The following CRTC3 variants were observed in gnomAD, a reference collection of about 807,000 sequenced individuals.
CRTC3 encodes CREB-regulated transcription coactivator 3.
CRTC3 carries 26 observed loss-of-function variants against 74.5 expected under a neutral mutation model. The ratio of observed to expected loss-of-function variants is 0.35; its 90% CI spans 0.26 to 0.48. CRTC3 has a LOEUF of 0.48. Among genes scored for constraint, CRTC3 ranks in the 20% least tolerant of loss-of-function variants. The probability of loss-of-function intolerance (pLI) is 0.99; values close to 1 mark genes in which losing one functional copy is unlikely to be tolerated. For missense variants in CRTC3, 760 were observed against 787.3 expected, an observed-to-expected ratio of 0.97 and a Z score of 0.41; for synonymous variants, 377 against 325.8, an observed-to-expected ratio of 1.16 and a Z score of -1.69.
At chr15:90,568,730 C>A (rs1234944822) in intron 2 of CRTC3, among the ~76,000 whole-genome samples, 4 of 152,160 alleles carry the variant, frequency 2.6e-5, no homozygotes, top group African/African-American at 9.7e-5. Flanking sequence ...GAAGTTGATA[C>A]AGCCAACTTC....
At chr15:90,564,828 G>A (rs931738043) in intron 2 of CRTC3, among the ~76,000 whole-genome samples, 4 of 152,176 alleles carry the variant, frequency 2.6e-5, no homozygotes, top group Non-Finnish European at 5.9e-5. Context: ...GATAGAGTAT[G>A]GACTCAAGAG....
intron 13 of CRTC3, among the ~76,000 whole-genome samples, chr15:90,640,394 C>T (rs1281640917): frequency 6.6e-6 from 1 of 152,038 alleles, no homozygotes; most frequent in Admixed American, 6.6e-5. Context: ...TTTCTAGAAA[C>T]CAGGGAAGAG....
chr15:90,545,576 GTT>G (rs540477533), intron 2 of CRTC3, among the ~76,000 whole-genome samples: 2 of 132,208 alleles, frequency 1.5e-5, no homozygotes, highest in Non-Finnish European at 1.7e-5. Context: ...ATTTTTGTTT[GTT>G]TTTTTTTTTT....
intron 9 of CRTC3, among the ~76,000 whole-genome samples, chr15:90,622,214 G>A (rs1353476784): frequency 6.6e-6 from 1 of 152,108 alleles, no homozygotes; most frequent in Non-Finnish European, 1.5e-5. Flanking sequence ...TGAACCGGGG[G>A]GCGCATTACT....
chr15:90,571,542 A>T lies in CRTC3; in HGVS notation c.232-22094A>T, dbSNP rs962955686. ...AGATCACAAAGGACTTTGCTTTCTT[A>T]TTAAGGAATTTGGATTTTGTCCTAA... On this transcript the variant is annotated intron_variant, in intron 2 of 14. Transcript: ENST00000268184. 2.0e-5 allele frequency among the ~76,000 whole-genome samples: 3 copies of T among 152,278 alleles called. 1 individual carries two copies.
chr15:90,589,803 A>G (rs1967757137), intron 2 of CRTC3, among the ~76,000 whole-genome samples: 2 of 152,148 alleles, frequency 1.3e-5, no homozygotes, highest in South Asian at 2.1e-4. Context: ...TGTGGCCAAC[A>G]TGGTGAAACC....
chr15:90,622,599 G>C (rs948747158), intron 9 of CRTC3, among the ~76,000 whole-genome samples: 6 of 152,048 alleles, frequency 3.9e-5, no homozygotes, highest in Non-Finnish European at 7.4e-5. Context: ...GCCTGTAATC[G>C]CAGCACTTTG....
intron 1 of CRTC3, 96 bp from the exon 2 acceptor site, chr15:90,539,943 C>T (rs1412164324): frequency 9.5e-6 from 8 of 840,558 alleles, no homozygotes; most frequent in Non-Finnish European, 1.6e-5. Flanking sequence ...ACAAGACTTT[C>T]ATTCTTGAAC....
chr15:90,543,300 CAA>C (rs10678466), intron 2 of CRTC3, among the ~76,000 whole-genome samples: 2 of 108,212 alleles, frequency 1.8e-5, no homozygotes, highest in Admixed American at 1.1e-4. Context: ...AACCCTGTCT[CAA>C]AAAAAAAAAA....
Position 90,629,339 on chromosome 15 carries a change from C to T in CRTC3, c.1073C>T (p.Ser358Phe). Residue 358 changes from serine to phenylalanine, a missense_variant, in exon 11 of 15, where the codon TCT becomes TTT. Physicochemically the swap from Ser to Phe is radical, Grantham distance 155. Transcript: ENST00000268184. The stretch of plus-strand genomic sequence containing the variant: ...CCACAGACATCTGTTCCCAACGCAT[C>T]TGCTCTTCACCCTTCGCTCCGTCTG... ...NHPQTSVPNASALHPSLRLFS... is the reference protein window; with the variant it reads ...NHPQTSVPNAFALHPSLRLFS... 1 of 1,614,158 alleles carries T rather than the reference C, an allele frequency of 6.2e-7. No homozygotes were observed. The highest frequency in any genetic ancestry group is 1.3e-5 in the African/African-American group (1 of 75,028).
rs756034728 is a variant in CRTC3, at chr15:90,638,639, C to A, written c.1460C>A (p.Pro487Gln). The change falls in exon 12 of 15, where the codon CCG becomes CAG. Residue 487 changes from proline to glutamine, a missense_variant. Transcript: ENST00000268184. ...SLPQSDFQLL[P>Q]AQGSSLTNFF... ...CCACAGTCAGACTTTCAGCTTCTCC[C>A]GGCCCAGGTGAGTTCTGGCAGGAGC... is the stretch of plus-strand genomic sequence containing the variant. The A allele has an allele frequency of 6.2e-7, 1 of 1,613,710 alleles. No individual in the cohort carries two copies. Among genetic ancestry groups the A allele is most frequent in the Non-Finnish European group, 8.5e-7 (1 of 1,179,946 alleles).
chr15:90,581,895 A>G (rs1025024215), intron 2 of CRTC3, among the ~76,000 whole-genome samples: 2 of 152,144 alleles, frequency 1.3e-5, no homozygotes, highest in Non-Finnish European at 2.9e-5. Flanking sequence ...TCTTTTACAT[A>G]TATTTCCTAC....
Position 90,608,710 on chromosome 15 carries a change from A to G in CRTC3, c.577+1232A>G, listed in dbSNP as rs528675924. ...TCTTGTTCTCTCCAGCCCCTAGCAC[A>G]GTGCCCGGCACAGAGGAGCCCGTAC... On this transcript the variant is annotated intron_variant, in intron 6 of 14. Transcript: ENST00000268184. 1.1e-4 allele frequency among the ~76,000 whole-genome samples: 17 copies of G among 152,312 alleles called. 1 individual carries two copies. The East Asian group carries it at 3.3e-3, about 29-fold the overall frequency.
At chr15:90,639,535 C>T (rs1227368063) in intron 13 of CRTC3, among the ~76,000 whole-genome samples, 6 of 150,214 alleles carry the variant, frequency 4.0e-5, no homozygotes, top group African/African-American at 7.3e-5. Context: ...CTGCAACCTC[C>T]ACCTCCTGGG....
chr15:90,558,932 A>G lies in CRTC3; in HGVS notation c.231+18795A>G, dbSNP rs369924825. The stretch of plus-strand genomic sequence containing the variant: ...ACGCCCGGCTAATTTTTGTATTTTT[A>G]GTAGAGACAGGATTTCACCATGTTG... On this transcript the variant is annotated intron_variant, in intron 2 of 14. Coordinates refer to ENST00000268184, the MANE Select transcript of CRTC3 (RefSeq NM_022769.5). 4.6e-5 allele frequency among the ~76,000 whole-genome samples: 7 copies of G among 151,814 alleles called. 1 individual carries two copies. The East Asian group carries it at 9.7e-4, about 21-fold the overall frequency.
intron 2 of CRTC3, among the ~76,000 whole-genome samples, chr15:90,580,589 C>T (rs1180145587): frequency 6.6e-6 from 1 of 151,884 alleles, no homozygotes; most frequent in Non-Finnish European, 1.5e-5. Context: ...ATGACCACAC[C>T]CAGCTAATTT....
chr15:90,576,521 T>G (rs571749057), intron 2 of CRTC3, among the ~76,000 whole-genome samples: 20 of 152,070 alleles, frequency 1.3e-4, no homozygotes, highest in African/African-American at 3.9e-4. Context: ...CTGTTGAATG[T>G]ATAAGTCTGA....
chr15:90,638,097 G>A, intron 11 of CRTC3: 2 of 268,338 alleles, frequency 7.5e-6, no homozygotes, highest in South Asian at 5.7e-5. Flanking sequence ...GGATGACAGA[G>A]CTAAGGGCCT....
chr15:90,546,018 A>T (rs1389526235), intron 2 of CRTC3, among the ~76,000 whole-genome samples: 1 of 152,074 alleles, frequency 6.6e-6, no homozygotes, highest in Non-Finnish European at 1.5e-5. Flanking sequence ...TCATTTTCTC[A>T]AGTCTCGAAG....
Sources: gnomAD v4.1 joint callset for allele counts (sites outside exome capture counted in the v4.1 genomes callset) on GRCh38, gnomAD v4.1.1 for gene constraint, MANE v1.5 for transcripts, NCBI Gene and HGNC (gene_info 2026-07-23, HGNC 2026-07-21) for gene names.